Variants in C11orf65 observed in about 807,000 individuals in gnomAD.
C11orf65 encodes the protein protein MFI.
In C11orf65, 38 loss-of-function variants were observed where a neutral mutation model predicts 35.3. That is an observed-to-expected ratio of 1.08 (90% CI 0.83 to 1.41). The LOEUF is 1.41. Ranked by LOEUF, C11orf65 falls within the 40% of genes most tolerant of loss-of-function variation. The pLI is 0.00. For synonymous variants in C11orf65, 105 were observed against 114.4 expected, an observed-to-expected ratio of 0.92 and a Z score of 0.53; for missense variants, 370 against 367.1, an observed-to-expected ratio of 1.01 and a Z score of -0.06.
intron 2 of C11orf65, among the ~76,000 whole-genome samples, chr11:108,452,267 G>T (rs148487918): frequency 0.012 from 1,889 of 152,156 alleles, 48 homozygotes; most frequent in African/African-American, 0.042. Context: ...ATGACAAAGG[G>T]CTAATATCAA....
At chr11:108,464,775 T>A (rs2093514656) in intron 1 of C11orf65, among the ~76,000 whole-genome samples, 1 of 152,124 alleles carries the variant, frequency 6.6e-6, no homozygotes, top group African/African-American at 2.4e-5. Context: ...AGGGAAGAGA[T>A]GTTTTTGTTC....
chr11:108,423,772 T>A (rs1385487449), intron 3 of C11orf65, among the ~76,000 whole-genome samples: 19 of 152,044 alleles, frequency 1.2e-4, no homozygotes, highest in Non-Finnish European at 7.4e-5. Flanking sequence ...GCAAATAGGG[T>A]CTGGAGTGGA....
intron 6 of C11orf65, among the ~76,000 whole-genome samples, chr11:108,402,017 T>C (rs2092448642): frequency 6.6e-6 from 1 of 152,236 alleles, no homozygotes; most frequent in South Asian, 2.1e-4. Context: ...GCTTCTGAGA[T>C]TCCTGGCAAT....
In C11orf65 at chr11:108,334,086, G is replaced by T; in HGVS notation, c.299+1134C>A. On this transcript the variant is annotated intron_variant, in intron 3 of 3. Transcript: ENST00000524755. ...GGTTAAATATTGGCAAATTTCATATGTTTCAACCTATAATTTCTCAGTATT... is the reference window on the plus strand; with the variant it reads ...GGTTAAATATTGGCAAATTTCATATTTTTCAACCTATAATTTCTCAGTATT... 3 of 759,064 alleles carry T rather than the reference G, an allele frequency of 4.0e-6. No homozygotes were observed. The Admixed American group carries it at 6.5e-5, about 17-fold the overall frequency. 47.0% of individuals were successfully genotyped at this position (759,064 alleles called of 1,614,324 possible). A position where few individuals can be genotyped will look rare whatever the true frequency, so the allele number is the denominator to read the frequency against.
Position 108,405,561 on chromosome 11 carries a change from T to C in C11orf65, c.430-2A>G. ...CATACCATCAGTAGATAGCCAAAACTATTGAGAAACAAAAATGAACATACA... is the reference window on the plus strand; with the variant it reads ...CATACCATCAGTAGATAGCCAAAACCATTGAGAAACAAAAATGAACATACA... On this transcript the variant is annotated splice_acceptor_variant, in intron 5 of 8. Coordinates refer to ENST00000393084, the MANE Select transcript of C11orf65 (RefSeq NM_152587.5). LOFTEE classifies it high-confidence loss of function. The C allele has an allele frequency of 1.2e-6, 2 of 1,610,280 alleles. No individual in the cohort carries two copies. The highest frequency in any genetic ancestry group is 1.7e-6 in the Non-Finnish European group (2 of 1,179,066).
Position 108,461,269 on chromosome 11 carries a change from G to A in C11orf65, c.81+210C>T, listed in dbSNP as rs141777186. On this transcript the variant is annotated intron_variant, in intron 2 of 8. Transcript: ENST00000393084. ...ATTCAAAAATTAGCCAAGCATGGTG[G>A]TGCACCTGTAATCCCAGCTACTGGG... Among the ~76,000 whole-genome samples, 1,205 of 152,152 alleles carry A rather than the reference G, an allele frequency of 7.9e-3. 9 individuals carry two copies. The highest frequency in any genetic ancestry group is 0.025 in the African/African-American group (1,029 of 41,522).
At chr11:108,329,097 C>T (rs1018140779), downstream of C11orf65, 3 of 1,614,092 alleles carry the variant, frequency 1.9e-6, no homozygotes, top group African/African-American at 1.3e-5. Flanking sequence ...GCATTTCTCT[C>T]ATTAGCCCGG....
In C11orf65 at chr11:108,356,929, C is replaced by G. The variant is rs187840949; in HGVS notation, c.227-21637G>C. Among the ~76,000 whole-genome samples the G allele has an allele frequency of 9.2e-5, 14 of 152,262 alleles. No homozygotes were observed. In the East Asian group the frequency reaches 2.7e-3, roughly 29 times the overall value. On this transcript the variant is annotated intron_variant, in intron 2 of 3. Coordinates refer to the C11orf65 transcript ENST00000524755. ...TAACTGTCACCTTTAAACACACCCTCCGGGAGGAGGAGCCAAGATGGCCGA... is the reference window on the plus strand; with the variant it reads ...TAACTGTCACCTTTAAACACACCCTGCGGGAGGAGGAGCCAAGATGGCCGA...
downstream of C11orf65, among the ~76,000 whole-genome samples, chr11:108,329,784 G>C (rs547036396): frequency 3.9e-5 from 6 of 152,280 alleles, no homozygotes; most frequent in African/African-American, 1.4e-4. Context: ...AATAATTCAT[G>C]CTCTGCTTCT....
chr11:108,379,643 TA>T (rs569490492), downstream of C11orf65, among the ~76,000 whole-genome samples: 32 of 147,494 alleles, frequency 2.2e-4, no homozygotes, highest in South Asian at 1.1e-3. Context: ...AAAATAAAAT[TA>T]AAAAAAAAAG....
intron 2 of C11orf65, among the ~76,000 whole-genome samples, chr11:108,351,208 A>G (rs1376806263): frequency 2.0e-5 from 3 of 152,184 alleles, no homozygotes; most frequent in African/African-American, 7.2e-5. Context: ...AAATTAATGT[A>G]TAGTGTTAGA....
At chr11:108,379,934 T>C (rs1019448169), downstream of C11orf65, among the ~76,000 whole-genome samples, 2 of 152,170 alleles carry the variant, frequency 1.3e-5, no homozygotes, top group African/African-American at 2.4e-5. Context: ...TTGCTGTGAA[T>C]TGTCAGATCT....
intron 2 of C11orf65, among the ~76,000 whole-genome samples, chr11:108,444,970 C>T (rs1001274409): frequency 6.6e-6 from 1 of 152,202 alleles, no homozygotes; most frequent in African/African-American, 2.4e-5. Flanking sequence ...CCACACATGG[C>T]TCGGAGGGTC....
intron 3 of C11orf65, among the ~76,000 whole-genome samples, chr11:108,411,398 C>T (rs1032612203): frequency 1.6e-4 from 24 of 152,122 alleles, no homozygotes; most frequent in African/African-American, 5.3e-4. Context: ...TGATCTATTA[C>T]GGGAAACATT....
chr11:108,460,074 T>C (rs941239641), intron 2 of C11orf65, among the ~76,000 whole-genome samples: 6 of 152,172 alleles, frequency 3.9e-5, no homozygotes, highest in Middle Eastern at 3.4e-3. Context: ...TTTGAGACCA[T>C]CCTGGGCAAC....
At chr11:108,345,602 C>A in intron 2 of C11orf65, 1 of 690,328 alleles carries the variant, frequency 1.4e-6, no homozygotes, top group Non-Finnish European at 2.3e-6. Flanking sequence ...CTTCCCTGTC[C>A]AGACTGTTAG....
In C11orf65 at chr11:108,444,984, C is replaced by T. The variant is rs142276718; in HGVS notation, c.82-13146G>A. 8.5e-3 allele frequency among the ~76,000 whole-genome samples: 1,290 copies of T among 152,288 alleles called. 13 individuals are homozygous for T. Among genetic ancestry groups the T allele is most frequent in the African/African-American group, 0.025 (1,052 of 41,544 alleles). On this transcript the variant is annotated intron_variant, in intron 2 of 8. Coordinates refer to ENST00000393084, the MANE Select transcript of C11orf65 (RefSeq NM_152587.5). ...CCCACACATGGCTCGGAGGGTCCTACGCCCACGGAGTCTTGCTGATTGCTA... is the reference window on the plus strand; with the variant it reads ...CCCACACATGGCTCGGAGGGTCCTATGCCCACGGAGTCTTGCTGATTGCTA...
intron 2 of C11orf65, among the ~76,000 whole-genome samples, chr11:108,443,568 T>C (rs1353557950): frequency 6.6e-6 from 1 of 152,062 alleles, no homozygotes; most frequent in Non-Finnish European, 1.5e-5. Context: ...GACCCCATAG[T>C]TGGAAGCACT....
chr11:108,432,353 G>C (rs2093001872), intron 2 of C11orf65, among the ~76,000 whole-genome samples: 1 of 152,150 alleles, frequency 6.6e-6, no homozygotes, highest in African/African-American at 2.4e-5. Flanking sequence ...AAAGCTTTCT[G>C]ACACAAGAAA....
Sources: gnomAD v4.1 joint callset for allele counts (sites outside exome capture counted in the v4.1 genomes callset) on GRCh38, gnomAD v4.1.1 for gene constraint, MANE v1.5 for transcripts, NCBI Gene and HGNC (gene_info 2026-07-23, HGNC 2026-07-21) for gene names.